The following MAF variants were observed in gnomAD, a reference collection of about 807,000 sequenced individuals.
MAF encodes the protein transcription factor Maf.
Under a neutral mutation model 22.0 loss-of-function variants are expected in MAF, and 10 were observed. That is an observed-to-expected ratio of 0.45 (90% CI 0.28 to 0.77). The LOEUF (loss-of-function observed/expected upper bound fraction) is 0.77, where lower values mean the gene tolerates loss of function less well. Ranked by LOEUF, MAF falls within the 30% of genes least tolerant of loss-of-function variation. MAF has a pLI of 0.12. For missense variants in MAF, 544 were observed against 548.4 expected (o/e 0.99, Z 0.08); for synonymous variants, 337 against 255.8 (o/e 1.32, Z -3.03).
At chr16:79,515,154 T>C in the MAF span, among the ~76,000 whole-genome samples, 2 of 152,240 alleles carry the variant, frequency 1.3e-5, no homozygotes, top group African/African-American at 4.8e-5. Flanking sequence ...CAGACTTCAC[T>C]GTGTTCAATA....
chr16:79,506,146 G>A, the MAF span, among the ~76,000 whole-genome samples: 1 of 152,176 alleles, frequency 6.6e-6, no homozygotes, highest in African/African-American at 2.4e-5. Context: ...ATTTCTTGGA[G>A]TTGGATTAAT....
the MAF span, among the ~76,000 whole-genome samples, chr16:79,277,958 G>A: frequency 7.6e-4 from 116 of 152,292 alleles, 1 homozygote; most frequent in Middle Eastern, 0.014. Context: ...AAGAATGCAG[G>A]TTCCTAGGAT....
At chr16:79,558,336 A>T in the MAF span, among the ~76,000 whole-genome samples, 1 of 152,160 alleles carries the variant, frequency 6.6e-6, no homozygotes, top group Non-Finnish European at 1.5e-5. Flanking sequence ...GGAGAGAGGG[A>T]AGGAAGAGAG....
the MAF span, among the ~76,000 whole-genome samples, chr16:79,306,367 T>C: frequency 6.6e-6 from 1 of 152,184 alleles, no homozygotes; most frequent in Non-Finnish European, 1.5e-5. Flanking sequence ...AGGCCCTTCA[T>C]TCATTCGTTC....
chr16:79,589,353 T>C (rs951592874), downstream of MAF, among the ~76,000 whole-genome samples: 5 of 152,182 alleles, frequency 3.3e-5, no homozygotes, highest in Non-Finnish European at 7.4e-5. Context: ...CTTTGTTTTA[T>C]AATGTGCATC....
At chr16:79,335,638 A>T in the MAF span, among the ~76,000 whole-genome samples, 1 of 152,042 alleles carries the variant, frequency 6.6e-6, no homozygotes, top group African/African-American at 2.4e-5. Context: ...AGGGGAAGGG[A>T]GGCAGTGATG....
At chr16:79,232,098 A>G in the MAF span, among the ~76,000 whole-genome samples, 2 of 152,062 alleles carry the variant, frequency 1.3e-5, no homozygotes, top group African/African-American at 4.8e-5. Flanking sequence ...GGCTGCAATT[A>G]CAGATGAAGT....
chr16:79,228,945 G>C, the MAF span, among the ~76,000 whole-genome samples: 1 of 151,994 alleles, frequency 6.6e-6, no homozygotes, highest in East Asian at 1.9e-4. Flanking sequence ...ACAGGGCACG[G>C]TGGGGAATGA....
chr16:79,262,599 G>A, the MAF span, among the ~76,000 whole-genome samples: 7 of 152,146 alleles, frequency 4.6e-5, no homozygotes, highest in African/African-American at 1.4e-4. Context: ...TTTGTTCACA[G>A]CATGGAAATG....
At chr16:79,324,580 G>A in the MAF span, among the ~76,000 whole-genome samples, 5 of 152,048 alleles carry the variant, frequency 3.3e-5, no homozygotes, top group African/African-American at 9.7e-5. Flanking sequence ...AATAAGAATC[G>A]GAGGTCCAGG....
the MAF span, among the ~76,000 whole-genome samples, chr16:79,579,389 C>T: frequency 2.6e-5 from 4 of 152,114 alleles, no homozygotes; most frequent in African/African-American, 7.2e-5. Context: ...TATTTATATA[C>T]ACAGATATAT....
the MAF span, among the ~76,000 whole-genome samples, chr16:79,237,472 G>A: frequency 6.6e-6 from 1 of 152,040 alleles, no homozygotes; most frequent in Non-Finnish European, 1.5e-5. Context: ...CACTGGAAAT[G>A]GTTGGTTGGA....
chr16:79,420,586 T>C, the MAF span, among the ~76,000 whole-genome samples: 1 of 151,104 alleles, frequency 6.6e-6, no homozygotes, highest in Admixed American at 6.6e-5. Context: ...CGCACCAGAG[T>C]GGTGCATTGG....
At chr16:79,479,093 C>A in the MAF span, among the ~76,000 whole-genome samples, 1 of 151,774 alleles carries the variant, frequency 6.6e-6, no homozygotes, top group African/African-American at 2.4e-5. Flanking sequence ...TTCTAGTGCA[C>A]CCGTGCACCA....
the MAF span, among the ~76,000 whole-genome samples, chr16:79,367,523 T>G: frequency 6.6e-6 from 1 of 152,168 alleles, no homozygotes. Flanking sequence ...TGTCAAGTGG[T>G]GGTTCTTGGA....
the MAF span, among the ~76,000 whole-genome samples, chr16:79,215,972 A>G: frequency 2.0e-5 from 3 of 152,088 alleles, no homozygotes; most frequent in Admixed American, 2.0e-4. Context: ...CCCATGGGCC[A>G]TTTTCTCTTG....
the MAF span, among the ~76,000 whole-genome samples, chr16:79,403,606 C>G: frequency 6.6e-6 from 1 of 152,206 alleles, no homozygotes; most frequent in Non-Finnish European, 1.5e-5. Context: ...TGCCAGGGGC[C>G]TTGCCTGACC....
chr16:79,600,173 T>A lies in MAF; in HGVS notation c.-271A>T. 1 of 389,146 alleles carries A rather than the reference T, an allele frequency of 2.6e-6. No homozygotes were observed. The allele number at this position is 389,146 out of a possible 1,614,324, so 24.1% of individuals were successfully genotyped here. Reference sequence around the variant, plus strand: ...CCCGGCCCCTCCTTGCTCGCTCGCCTCCTTGCGCGCCGAGCCGGCGGCTTC... The same window carrying A: ...CCCGGCCCCTCCTTGCTCGCTCGCCACCTTGCGCGCCGAGCCGGCGGCTTC... On this transcript the variant is annotated 5_prime_UTR_variant, in exon 1 of 2. Transcript: ENST00000326043.
At chr16:79,247,449 C>A in the MAF span, among the ~76,000 whole-genome samples, 1 of 152,190 alleles carries the variant, frequency 6.6e-6, no homozygotes, top group Admixed American at 6.5e-5. Context: ...CTTGCTTCCC[C>A]CTCACCAGCT....
Sources: allele counts gnomAD v4.1 joint callset (sites outside exome capture counted in the v4.1 genomes callset), GRCh38; gene constraint gnomAD v4.1.1; transcripts MANE v1.5; gene names NCBI Gene and HGNC (gene_info 2026-07-23, HGNC 2026-07-21).